HIPK3: variants seen among roughly 807,000 people sequenced by gnomAD.
HIPK3 encodes the protein homeodomain interacting protein kinase 3, also known as homeodomain-interacting protein kinase 3.
Under a neutral mutation model 124.2 loss-of-function variants are expected in HIPK3, and 47 were observed. That is an observed-to-expected ratio of 0.38 (90% CI 0.30 to 0.48). The LOEUF is 0.48. Ranked by LOEUF, HIPK3 falls within the 20% of genes least tolerant of loss-of-function variation. The pLI is 0.98. For synonymous variants in HIPK3, 482 were observed against 515.2 expected (o/e 0.94, Z 0.87); for missense variants, 1,286 against 1,454.3 (o/e 0.88, Z 1.88).
intron 1 of HIPK3, among the ~76,000 whole-genome samples, chr11:33,259,464 C>A (rs1014080832): frequency 1.3e-5 from 2 of 152,050 alleles, no homozygotes; most frequent in African/African-American, 2.4e-5. Flanking sequence ...ATATGACTGA[C>A]CTTTTGTAAA....
At chr11:33,343,330 G>C (rs1402951552) in intron 8 of HIPK3, among the ~76,000 whole-genome samples, 2 of 151,368 alleles carry the variant, frequency 1.3e-5, no homozygotes, top group African/African-American at 4.9e-5. Context: ...GCCCAGGCTA[G>C]AGTGTGGTAG....
At chr11:33,338,658 C>T (rs1057047349) in intron 4 of HIPK3, 99 bp from the exon 5 acceptor site, 1 of 579,658 alleles carries the variant, frequency 1.7e-6, no homozygotes, top group Non-Finnish European at 2.8e-6. Flanking sequence ...TTTGAAATTA[C>T]TATTTGCCTT....
chr11:33,274,711 G>C (rs1048384901), intron 1 of HIPK3, among the ~76,000 whole-genome samples: 26 of 152,064 alleles, frequency 1.7e-4, no homozygotes, highest in African/African-American at 6.0e-4. Flanking sequence ...AGTAATCCTT[G>C]TGTAATTTTT....
intron 1 of HIPK3, among the ~76,000 whole-genome samples, chr11:33,266,077 GAAAAC>G (rs1850954938): frequency 1.4e-5 from 2 of 139,262 alleles, no homozygotes; most frequent in Admixed American, 7.3e-5. Flanking sequence ...AAAAAAAAAA[GAAAAC>G]AAACCTATTT....
intron 1 of HIPK3, among the ~76,000 whole-genome samples, chr11:33,285,192 A>G (rs990676836): frequency 2.0e-5 from 3 of 152,214 alleles, no homozygotes; most frequent in African/African-American, 7.2e-5. Flanking sequence ...ATAAACTCAC[A>G]TCCTTTTTGG....
At chr11:33,349,643 A>T (rs1325533406) in intron 14 of HIPK3, among the ~76,000 whole-genome samples, 1 of 151,924 alleles carries the variant, frequency 6.6e-6, no homozygotes, top group African/African-American at 2.4e-5. Context: ...TAGAGATGGG[A>T]TCTTGCCCTG....
In HIPK3 at chr11:33,257,625, G is replaced by C. The variant is rs1850700795; in HGVS notation, c.-267G>C. ...AAGCCGTCCCCACCCCAAATCCCCG[G>C]GAAGGAAGATGAGGGAGACGGGCCC... On this transcript the variant is annotated 5_prime_UTR_variant, in exon 1 of 17. Transcript: ENST00000303296. 5 of 988,736 alleles carry C rather than the reference G, an allele frequency of 5.1e-6. No individual in the cohort carries two copies. Among genetic ancestry groups the C allele is most frequent in the Non-Finnish European group, 6.0e-6 (5 of 831,994 alleles). The allele number at this position is 988,736 out of a possible 1,614,324, so 61.2% of individuals were successfully genotyped here.
chr11:33,266,469 G>T (rs1850968152), intron 1 of HIPK3, among the ~76,000 whole-genome samples: 1 of 152,158 alleles, frequency 6.6e-6, no homozygotes, highest in South Asian at 2.1e-4. Context: ...AGGCTGAAGT[G>T]GGTGGATCCC....
intron 2 of HIPK3, among the ~76,000 whole-genome samples, chr11:33,295,558 G>A (rs1352771425): frequency 6.6e-6 from 1 of 152,234 alleles, no homozygotes; most frequent in East Asian, 1.9e-4. Flanking sequence ...GCAGAACCTC[G>A]TTCACATAGT....
intron 2 of HIPK3, among the ~76,000 whole-genome samples, chr11:33,327,146 ATACTT>A (rs1417977814): frequency 1.3e-5 from 2 of 152,222 alleles, no homozygotes; most frequent in Non-Finnish European, 2.9e-5. Context: ...ATCCCACAAA[ATACTT>A]AATTAGAAAG....
intron 2 of HIPK3, among the ~76,000 whole-genome samples, chr11:33,293,330 T>C (rs1186319253): frequency 6.6e-6 from 1 of 152,188 alleles, no homozygotes; most frequent in Non-Finnish European, 1.5e-5. Flanking sequence ...GTTTAAAATT[T>C]TTTTGGCCAA....
intron 14 of HIPK3, 33 bp from the exon 15 acceptor site, chr11:33,351,575 A>T (rs1565100681): frequency 2.0e-6 from 3 of 1,488,026 alleles, no homozygotes; most frequent in Admixed American, 3.4e-5. Context: ...TTGGAAAAAA[A>T]TATCACTCAT....
chr11:33,333,751 T>C (rs1853057335), intron 3 of HIPK3, among the ~76,000 whole-genome samples: 1 of 152,230 alleles, frequency 6.6e-6, no homozygotes, highest in South Asian at 2.1e-4. Flanking sequence ...TTCTCTTTGC[T>C]TTTTTAGCAC....
intron 2 of HIPK3, among the ~76,000 whole-genome samples, chr11:33,326,646 G>T (rs1485720429): frequency 6.6e-6 from 1 of 151,976 alleles, no homozygotes; most frequent in Non-Finnish European, 1.5e-5. Context: ...AAAGTCTGAG[G>T]GAGTTATGAC....
chr11:33,278,402 A>G lies in HIPK3; in HGVS notation c.-2-8011A>G, dbSNP rs1408279625. Among the ~76,000 whole-genome samples the G allele has an allele frequency of 2.0e-5, 3 of 152,306 alleles. No individual in the cohort carries two copies. The East Asian group carries it at 5.8e-4, about 29-fold the overall frequency. ...TGTGAAGGGCTGTGTTTATAGGAGC[A>G]TAAACTCATATCTCAGGGTTTGATT... On this transcript the variant is annotated intron_variant, in intron 1 of 16. Coordinates refer to ENST00000303296, the MANE Select transcript of HIPK3 (RefSeq NM_005734.5).
At chr11:33,339,631 A>G (rs1387962317) in intron 6 of HIPK3, 97 bp downstream of exon 6, 4 of 873,712 alleles carry the variant, frequency 4.6e-6, no homozygotes, top group South Asian at 2.0e-5. Flanking sequence ...ATTAAACACA[A>G]GTAACCTGAG....
rs559786972 is a variant in HIPK3 at position 33,258,345 on chromosome 11, C to G, written c.-3+456C>G. On this transcript the variant is annotated intron_variant, in intron 1 of 16. Coordinates refer to ENST00000303296, the MANE Select transcript of HIPK3 (RefSeq NM_005734.5). Reference sequence around the variant, plus strand: ...ATCCCTTTCCTTTCATTAAGGGGAACAAACAAACGCGCAGGCACGCAGCTT... The same window carrying G: ...ATCCCTTTCCTTTCATTAAGGGGAAGAAACAAACGCGCAGGCACGCAGCTT... The G allele has an allele frequency of 8.1e-6, 8 of 985,470 alleles. No individual in the cohort carries two copies. In the African/African-American group the frequency reaches 1.4e-4, roughly 17 times the overall value. 61.0% of individuals were successfully genotyped at this position (985,470 alleles called of 1,614,324 possible). A position where few individuals can be genotyped will look rare whatever the true frequency, so the allele number is the denominator to read the frequency against.
rs189807712 is a variant in HIPK3 at position 33,288,826 on chromosome 11, T to C, written c.1097+1315T>C. ...TATGTTCTTGGTATTTGCTAAGCCC[T>C]ACGAGGTCCAACATGATGGACCTGC... On this transcript the variant is annotated intron_variant, in intron 2 of 16. Transcript: ENST00000303296. Among the ~76,000 whole-genome samples the C allele has an allele frequency of 9.4e-3, 1,432 of 152,240 alleles. 7 individuals are homozygous for C. Among genetic ancestry groups the C allele is most frequent in the Non-Finnish European group, 0.014 (968 of 67,990 alleles).
chr11:33,347,282 C>T lies in HIPK3; in HGVS notation c.1898-11C>T, dbSNP rs752679385. The T allele has an allele frequency of 6.2e-7, 1 of 1,601,784 alleles. No homozygotes were observed. Among genetic ancestry groups the T allele is most frequent in the Non-Finnish European group, 8.5e-7 (1 of 1,173,480 alleles). The stretch of plus-strand genomic sequence containing the variant: ...TTTTTTCTTTTATTTGATAACTATT[C>T]TGTTTCACAGGTATTCCTGCAACAC... On this transcript the variant is annotated splice_polypyrimidine_tract_variant and intron_variant, in intron 8 of 16. Transcript: ENST00000303296.
Sources: allele counts gnomAD v4.1 joint callset (sites outside exome capture counted in the v4.1 genomes callset), GRCh38; gene constraint gnomAD v4.1.1; transcripts MANE v1.5; gene names NCBI Gene and HGNC (gene_info 2026-07-23, HGNC 2026-07-21).